PRKAR1A: variants seen among roughly 807,000 people sequenced by gnomAD.
PRKAR1A encodes cAMP-dependent protein kinase type I-alpha regulatory subunit.
In PRKAR1A, 3 loss-of-function variants were observed where a neutral mutation model predicts 52.0. The ratio of observed to expected loss-of-function variants is 0.06; its 90% CI spans 0.03 to 0.15. The LOEUF is 0.15. Among genes scored for constraint, PRKAR1A ranks in the 10% least tolerant of loss-of-function variants. The probability of loss-of-function intolerance (pLI) is 1.00; values close to 1 mark genes in which losing one functional copy is unlikely to be tolerated. For missense variants in PRKAR1A, 240 were observed against 477.4 expected (o/e 0.50, Z 4.63); for synonymous variants, 188 against 168.4 (o/e 1.12, Z -0.90).
At chr17:68,503,719 A>G in the PRKAR1A span, among the ~76,000 whole-genome samples, 2 of 152,382 alleles carry the variant, frequency 1.3e-5, no homozygotes, top group Non-Finnish European at 2.9e-5. Context: ...CAATTTAAAT[A>G]TGGGCAAAAG....
At chr17:68,551,062 G>C in intron 11 of PRKAR1A, 5 of 1,234,150 alleles carry the variant, frequency 4.1e-6, no homozygotes, top group Non-Finnish European at 5.1e-6. Flanking sequence ...GGCCCCTCTT[G>C]GGGCGATTTT....
the PRKAR1A span, among the ~76,000 whole-genome samples, chr17:68,499,210 C>G: frequency 1.5e-3 from 236 of 152,316 alleles, 1 homozygote; most frequent in African/African-American, 5.5e-3. Context: ...AGTGGAATTA[C>G]TTGTAGTTTC....
the PRKAR1A span, among the ~76,000 whole-genome samples, chr17:68,449,240 C>T: frequency 6.6e-6 from 1 of 152,200 alleles, no homozygotes; most frequent in Non-Finnish European, 1.5e-5. Flanking sequence ...ATTTAACAGT[C>T]AGTCAGGAAA....
the PRKAR1A span, chr17:68,436,252 G>C: frequency 1.3e-6 from 1 of 789,628 alleles, no homozygotes; most frequent in Non-Finnish European, 2.1e-6. Flanking sequence ...ACCTTCTCTT[G>C]AACAACTCCC....
chr17:68,495,978 CCTCTCCTCT>C, the PRKAR1A span, among the ~76,000 whole-genome samples: 1 of 6,714 alleles, frequency 1.5e-4, no homozygotes, highest in East Asian at 9.1e-3. Context: ...TCTCCTCTCT[CCTCTCCTCT>C]CCTCTCCTCT....
chr17:68,522,696 T>C, intron 2 of PRKAR1A, 60 bp from the exon 3 acceptor site: 3 of 1,565,394 alleles, frequency 1.9e-6, no homozygotes, highest in Admixed American at 3.4e-5. Context: ...CATTGGAACA[T>C]GAGAGTGCCA....
chr17:68,416,608 C>T, the PRKAR1A span, among the ~76,000 whole-genome samples: 1 of 152,116 alleles, frequency 6.6e-6, no homozygotes, highest in South Asian at 2.1e-4. Context: ...ACCAATTATT[C>T]TTAGATTTGG....
rs1269270629 is a variant in PRKAR1A at position 68,525,973 on chromosome 17, G to T, written c.708+61G>T. ...ATTCTCATCTACGTAACTAATGTTTGAATATTACCAAATTAAAAAGAGAAT... is the reference window on the plus strand; with the variant it reads ...ATTCTCATCTACGTAACTAATGTTTTAATATTACCAAATTAAAAAGAGAAT... On this transcript the variant is annotated intron_variant, in intron 7 of 10. Coordinates refer to ENST00000589228, the MANE Select transcript of PRKAR1A (RefSeq NM_002734.5). 5 of 1,558,612 alleles carry T rather than the reference G, an allele frequency of 3.2e-6. No individual in the cohort carries two copies. The African/African-American group carries it at 5.5e-5, about 17-fold the overall frequency.
the PRKAR1A span, among the ~76,000 whole-genome samples, chr17:68,469,943 G>A: frequency 1.1e-4 from 16 of 152,040 alleles, no homozygotes; most frequent in African/African-American, 3.1e-4. Flanking sequence ...TCTCTTTCAT[G>A]TCTGGTATAA....
the PRKAR1A span, among the ~76,000 whole-genome samples, chr17:68,500,699 T>C: frequency 2.0e-5 from 3 of 151,998 alleles, no homozygotes; most frequent in East Asian, 5.8e-4. Flanking sequence ...CTATTTTTAG[T>C]AGAGATGGGG....
chr17:68,446,095 C>CTA, the PRKAR1A span, among the ~76,000 whole-genome samples: 1 of 152,194 alleles, frequency 6.6e-6, no homozygotes, highest in African/African-American at 2.4e-5. Context: ...GCCTGCCCTG[C>CTA]TATTCCCCAA....
chr17:68,511,875 G>C (rs2085271743), upstream of PRKAR1A: 1 of 152,052 alleles, frequency 6.6e-6, no homozygotes, highest in Non-Finnish European at 1.5e-5. Context: ...GGCAGCGACA[G>C]GACTCTCCCC....
At chr17:68,450,216 C>T in the PRKAR1A span, among the ~76,000 whole-genome samples, 43 of 152,180 alleles carry the variant, frequency 2.8e-4, no homozygotes, top group Admixed American at 5.2e-4. Flanking sequence ...AAATGAGAAC[C>T]CAAGGCTGAA....
At chr17:68,502,319 G>A in the PRKAR1A span, among the ~76,000 whole-genome samples, 2 of 151,970 alleles carry the variant, frequency 1.3e-5, no homozygotes, top group Middle Eastern at 3.4e-3. Context: ...CAGCATAAAT[G>A]CTAAGAAATT....
At chr17:68,421,844 C>A in the PRKAR1A span, 20 of 1,613,984 alleles carry the variant, frequency 1.2e-5, no homozygotes, top group Non-Finnish European at 1.6e-5. Context: ...AACAGAATGG[C>A]CTTACTCTTC....
chr17:68,488,734 CAAAAAAA>C, the PRKAR1A span, among the ~76,000 whole-genome samples: 1 of 42,796 alleles, frequency 2.3e-5, no homozygotes, highest in East Asian at 7.8e-4. Flanking sequence ...CATCTCAAAA[CAAAAAAA>C]AAAAAAAAAA....
the PRKAR1A span, among the ~76,000 whole-genome samples, chr17:68,485,125 G>C: frequency 6.6e-6 from 1 of 152,170 alleles, no homozygotes; most frequent in African/African-American, 2.4e-5. Flanking sequence ...CTGCTAATTA[G>C]ATTATTTTAC....
chr17:68,495,611 C>T, the PRKAR1A span, among the ~76,000 whole-genome samples: 51 of 152,134 alleles, frequency 3.4e-4, no homozygotes, highest in Non-Finnish European at 3.5e-4. Flanking sequence ...TTGTATTGCA[C>T]GTGCTTCTCT....
At chr17:68,413,651 G>T in the PRKAR1A span, 1 of 155,486 alleles carries the variant, frequency 6.4e-6, no homozygotes, top group African/African-American at 2.4e-5. Flanking sequence ...CCCAGTTCGA[G>T]CTTCCCGGCT....
Sources: gnomAD v4.1 joint callset for allele counts (sites outside exome capture counted in the v4.1 genomes callset) on GRCh38, gnomAD v4.1.1 for gene constraint, MANE v1.5 for transcripts, NCBI Gene and HGNC (gene_info 2026-07-23, HGNC 2026-07-21) for gene names.